FNDC3A: variants seen among roughly 807,000 people sequenced by gnomAD.
FNDC3A encodes fibronectin type-III domain-containing protein 3A.
A neutral mutation model predicts 148.9 loss-of-function variants in FNDC3A; 32 were observed. That is an observed-to-expected ratio of 0.21 (90% confidence interval 0.16 to 0.29). The LOEUF is 0.29. Ranked by LOEUF, FNDC3A falls within the 10% of genes least tolerant of loss-of-function variation. The pLI, the probability that FNDC3A is intolerant of heterozygous loss-of-function variation, is 1.00. For missense variants in FNDC3A, 1,191 were observed against 1,452.8 expected (o/e 0.82, Z 2.93); for synonymous variants, 472 against 473.6 (o/e 1.00, Z 0.04).
intron 17 of FNDC3A, among the ~76,000 whole-genome samples, chr13:49,190,708 AGTT>A (rs991098729): frequency 2.6e-5 from 4 of 152,200 alleles, no homozygotes; most frequent in African/African-American, 4.8e-5. Flanking sequence ...TTGTGTTGGA[AGTT>A]GTTTTTTTCT....
chr13:49,075,446 G>T, intron 3 of FNDC3A, 82 bp downstream of exon 3: 1 of 720,424 alleles, frequency 1.4e-6, no homozygotes, highest in South Asian at 1.8e-5. Flanking sequence ...ATATGCCTAT[G>T]GTTTCTTCCT....
chr13:49,000,864 T>G (rs913061389), intron 1 of FNDC3A, among the ~76,000 whole-genome samples: 7 of 152,186 alleles, frequency 4.6e-5, no homozygotes, highest in African/African-American at 1.7e-4. Flanking sequence ...CTTTTTCAAA[T>G]TTTCATTGTT....
intron 4 of FNDC3A, among the ~76,000 whole-genome samples, chr13:49,121,875 A>G (rs1407908278): frequency 6.6e-6 from 1 of 152,184 alleles, no homozygotes; most frequent in Non-Finnish European, 1.5e-5. Flanking sequence ...ACAACCAAAA[A>G]AAGCCCAGGA....
intron 17 of FNDC3A, 98 bp from the exon 18 acceptor site, chr13:49,190,917 G>T: frequency 2.8e-6 from 2 of 712,762 alleles, no homozygotes; most frequent in Non-Finnish European, 4.7e-6. Flanking sequence ...CAAATTATCA[G>T]TGCAATATTT....
intron 1 of FNDC3A, among the ~76,000 whole-genome samples, chr13:48,982,324 A>G (rs1025307858): frequency 1.3e-5 from 2 of 152,038 alleles, no homozygotes; most frequent in Non-Finnish European, 2.9e-5. Flanking sequence ...TTTTCCATGT[A>G]ATATTTTCAT....
intron 5 of FNDC3A, among the ~76,000 whole-genome samples, chr13:49,131,629 A>G (rs556677624): frequency 6.6e-6 from 1 of 152,298 alleles, no homozygotes; most frequent in East Asian, 1.9e-4. Context: ...CATTCAAACA[A>G]GAGGTCTTTT....
Position 49,070,881 on chromosome 13 carries a change from C to CTTTT in FNDC3A, c.100-4399_100-4396dup, listed in dbSNP as rs758290861. Among the ~76,000 whole-genome samples, 78 of 120,904 alleles carry CTTTT rather than the reference C, an allele frequency of 6.5e-4. 2 individuals are homozygous for CTTTT. The highest frequency in any genetic ancestry group is 7.4e-4 in the African/African-American group (25 of 33,698). The allele number at this position is 120,904 out of a possible 152,430, so 79.3% of individuals were successfully genotyped here. A position where few individuals can be genotyped will look rare whatever the true frequency, so the allele number is the denominator to read the frequency against. On this transcript the variant is annotated intron_variant, in intron 2 of 25. Transcript: ENST00000492622. ...CATTTTGCCACAGATAACAGGATTT[C>CTTTT]TTTTTTTTTTTTGTTTTGTTTTTTT...
intron 19 of FNDC3A, among the ~76,000 whole-genome samples, chr13:49,196,080 CAAAAAAAA>C (rs71076070): frequency 3.2e-4 from 23 of 71,592 alleles, no homozygotes; most frequent in Admixed American, 5.3e-4. Context: ...GACCTTGTCT[CAAAAAAAA>C]AAAAAAAAAA....
At chr13:49,142,394 C>A (rs1882739273) in intron 7 of FNDC3A, among the ~76,000 whole-genome samples, 1 of 152,172 alleles carries the variant, frequency 6.6e-6, no homozygotes, top group Admixed American at 6.5e-5. Flanking sequence ...ACAGTATCAT[C>A]TTACATTTCT....
intron 2 of FNDC3A, among the ~76,000 whole-genome samples, chr13:49,006,701 A>G (rs909071195): frequency 4.6e-5 from 7 of 152,020 alleles, no homozygotes; most frequent in African/African-American, 7.2e-5. Flanking sequence ...AAGTAAATAC[A>G]CAATCCCTGA....
At chr13:49,134,294 A>G (rs937843412) in intron 5 of FNDC3A, among the ~76,000 whole-genome samples, 1 of 152,192 alleles carries the variant, frequency 6.6e-6, no homozygotes, top group Admixed American at 6.5e-5. Context: ...TAAAATGTTC[A>G]TACAGTATGT....
intron 2 of FNDC3A, among the ~76,000 whole-genome samples, chr13:49,057,716 C>T (rs1017712936): frequency 6.6e-6 from 1 of 152,018 alleles, no homozygotes; most frequent in Non-Finnish European, 1.5e-5. Context: ...TTTTTGTTCT[C>T]AACCAATATC....
chr13:49,114,491 T>A (rs1235782815), intron 3 of FNDC3A, among the ~76,000 whole-genome samples, 164 bp from the exon 4 acceptor site: 1 of 141,168 alleles, frequency 7.1e-6, no homozygotes, highest in Non-Finnish European at 1.5e-5. Flanking sequence ...CTTTACAAGA[T>A]AAATTTTTAT....
intron 2 of FNDC3A, among the ~76,000 whole-genome samples, chr13:49,066,920 T>G (rs1050541155): frequency 6.6e-6 from 1 of 152,158 alleles, no homozygotes; most frequent in Non-Finnish European, 1.5e-5. Flanking sequence ...ACTAGCATTG[T>G]TTTGCATCTG....
chr13:49,123,662 A>G (rs190817782), intron 4 of FNDC3A, among the ~76,000 whole-genome samples: 1 of 151,938 alleles, frequency 6.6e-6, no homozygotes, highest in Non-Finnish European at 1.5e-5. Context: ...AAAAAAAAAA[A>G]CCAACCCCAT....
chr13:49,161,047 G>T (rs188722120), intron 8 of FNDC3A, among the ~76,000 whole-genome samples: 1 of 152,288 alleles, frequency 6.6e-6, no homozygotes, highest in Non-Finnish European at 1.5e-5. Context: ...CAACTATGTG[G>T]TCAGTTTTGG....
chr13:49,092,675 G>A (rs1244350635), intron 3 of FNDC3A, among the ~76,000 whole-genome samples: 4 of 151,774 alleles, frequency 2.6e-5, no homozygotes. Context: ...ATACATACAG[G>A]TGAGAGCTTT....
At chr13:49,099,695 G>A (rs1469823626) in intron 3 of FNDC3A, among the ~76,000 whole-genome samples, 1 of 151,970 alleles carries the variant, frequency 6.6e-6, no homozygotes, top group African/African-American at 2.4e-5. Flanking sequence ...GGTGAAACAT[G>A]CAGAAGAAAA....
intron 3 of FNDC3A, among the ~76,000 whole-genome samples, chr13:49,101,232 A>T (rs147771276): frequency 3.9e-5 from 6 of 152,254 alleles, no homozygotes; most frequent in African/African-American, 1.4e-4. Context: ...CCCATGGAGC[A>T]CCTGGTTAGT....
Sources: allele counts gnomAD v4.1 joint callset (sites outside exome capture counted in the v4.1 genomes callset), GRCh38; gene constraint gnomAD v4.1.1; transcripts MANE v1.5; gene names NCBI Gene and HGNC (gene_info 2026-07-23, HGNC 2026-07-21).